LRBA: variants seen among roughly 807,000 people sequenced by gnomAD.
LRBA encodes the protein LPS responsive beige-like anchor protein.
LRBA carries 176 observed loss-of-function variants against 330.0 expected under a neutral mutation model. That is an observed-to-expected ratio of 0.53 (90% CI 0.47 to 0.60). LRBA has a LOEUF of 0.60. Ranked by LOEUF, LRBA falls within the 20% of genes least tolerant of loss-of-function variation. LRBA has a pLI of 0.00. For missense variants in LRBA, 3,259 were observed against 3,444.8 expected, an observed-to-expected ratio of 0.95 and a Z score of 1.35; for synonymous variants, 1,230 against 1,193.0, an observed-to-expected ratio of 1.03 and a Z score of -0.64.
chr4:150,284,942 AG>A (rs1747963842), intron 54 of LRBA, among the ~76,000 whole-genome samples: 1 of 152,194 alleles, frequency 6.6e-6, no homozygotes, highest in Non-Finnish European at 1.5e-5. Flanking sequence ...TACTGTGCAA[AG>A]AAAAGATGAC....
intron 51 of LRBA, among the ~76,000 whole-genome samples, chr4:150,312,947 T>G (rs1249586981): frequency 6.6e-6 from 1 of 151,894 alleles, no homozygotes; most frequent in Non-Finnish European, 1.5e-5. Context: ...GTTCATTTTA[T>G]GTAAATAAAC....
chr4:150,965,969 C>T (rs1367226465), intron 2 of LRBA, among the ~76,000 whole-genome samples: 1 of 152,050 alleles, frequency 6.6e-6, no homozygotes, highest in Non-Finnish European at 1.5e-5. Context: ...CTATTTTTGA[C>T]CTGTGTTAAA....
chr4:150,348,420 G>C (rs1475812112), intron 48 of LRBA, among the ~76,000 whole-genome samples: 1 of 152,148 alleles, frequency 6.6e-6, no homozygotes, highest in Non-Finnish European at 1.5e-5. Flanking sequence ...GAGAAACAGT[G>C]TTAAGCATAT....
chr4:150,812,394 T>C (rs1201637159), intron 31 of LRBA, among the ~76,000 whole-genome samples: 1 of 152,172 alleles, frequency 6.6e-6, no homozygotes, highest in East Asian at 1.9e-4. Flanking sequence ...AGCATCTATC[T>C]GGGGAGTAGG....
chr4:150,320,198 C>G (rs1271990813), intron 50 of LRBA, among the ~76,000 whole-genome samples: 1 of 152,118 alleles, frequency 6.6e-6, no homozygotes, highest in Non-Finnish European at 1.5e-5. Flanking sequence ...AACTCCGCCA[C>G]TGACTGGGCA....
chr4:150,733,721 C>A (rs1239837145), intron 36 of LRBA, among the ~76,000 whole-genome samples: 1 of 151,942 alleles, frequency 6.6e-6, no homozygotes, highest in Non-Finnish European at 1.5e-5. Context: ...GAATTTGGCC[C>A]AAAACATTGT....
chr4:150,858,030 C>A (rs913365336), intron 22 of LRBA, among the ~76,000 whole-genome samples: 1 of 151,838 alleles, frequency 6.6e-6, no homozygotes, highest in African/African-American at 2.4e-5. Context: ...TAAAAGGTCT[C>A]GCACTAAAAT....
intron 44 of LRBA, among the ~76,000 whole-genome samples, chr4:150,453,122 A>C (rs1336670927): frequency 6.6e-6 from 1 of 152,198 alleles, no homozygotes; most frequent in Non-Finnish European, 1.5e-5. Context: ...ATTTTTACCC[A>C]AAATGATCTA....
chr4:150,757,839 G>A (rs72959891), intron 35 of LRBA, among the ~76,000 whole-genome samples: 4,925 of 152,084 alleles, frequency 0.032, 219 homozygotes, highest in African/African-American at 0.11. Flanking sequence ...TTCCACCACT[G>A]TTTATTTCAA....
At chr4:150,552,492 AAAC>A (rs1223907662) in intron 40 of LRBA, among the ~76,000 whole-genome samples, 7 of 152,200 alleles carry the variant, frequency 4.6e-5, no homozygotes, top group African/African-American at 7.2e-5. Flanking sequence ...AAAAGTCAGG[AAAC>A]AACAGGTGTT....
chr4:150,490,830 T>C (rs1581472731), intron 41 of LRBA, 88 bp downstream of exon 41: 1 of 653,988 alleles, frequency 1.5e-6, no homozygotes, highest in South Asian at 3.6e-5. Context: ...AATAACTATC[T>C]AAATTGAAGC....
chr4:150,336,148 T>C (rs1407747268), intron 48 of LRBA, among the ~76,000 whole-genome samples: 1 of 152,228 alleles, frequency 6.6e-6, no homozygotes, highest in Non-Finnish European at 1.5e-5. Flanking sequence ...GTGGTATAGA[T>C]TATTTCACCA....
At chr4:150,922,087 C>G (rs1267182838) in intron 4 of LRBA, among the ~76,000 whole-genome samples, 1 of 152,010 alleles carries the variant, frequency 6.6e-6, no homozygotes, top group East Asian at 1.9e-4. Flanking sequence ...TCTCAAACTC[C>G]TGACTTCAAG....
chr4:150,998,002 C>G (rs80043678), intron 2 of LRBA, among the ~76,000 whole-genome samples: 15,051 of 152,014 alleles, frequency 0.099, 1,002 homozygotes, highest in South Asian at 0.29. Flanking sequence ...CTGCACCTGG[C>G]CAAACAGTCT....
At chr4:150,427,201 A>C (rs1749755696) in intron 46 of LRBA, among the ~76,000 whole-genome samples, 1 of 151,952 alleles carries the variant, frequency 6.6e-6, no homozygotes, top group South Asian at 2.1e-4. Flanking sequence ...CCAGTCAAAA[A>C]ACAAATCACA....
intron 34 of LRBA, among the ~76,000 whole-genome samples, chr4:150,794,698 A>G (rs1740489125): frequency 6.6e-6 from 1 of 152,172 alleles, no homozygotes; most frequent in Non-Finnish European, 1.5e-5. Context: ...AAAATTTTTT[A>G]AAGAATAATC....
intron 28 of LRBA, among the ~76,000 whole-genome samples, chr4:150,835,386 T>G (rs1747874030): frequency 1.3e-5 from 2 of 152,172 alleles, no homozygotes; most frequent in Non-Finnish European, 2.9e-5. Flanking sequence ...ATCTATAAAT[T>G]ACCTTGGGCA....
At chr4:150,838,187 T>G (rs1748459100) in intron 28 of LRBA, among the ~76,000 whole-genome samples, 1 of 152,246 alleles carries the variant, frequency 6.6e-6, no homozygotes, top group Admixed American at 6.5e-5. Context: ...CTTCCCTTTG[T>G]GGGTAACCCG....
At chr4:150,623,470 A>T (rs1404593382) in intron 37 of LRBA, among the ~76,000 whole-genome samples, 1 of 152,188 alleles carries the variant, frequency 6.6e-6, no homozygotes, top group Non-Finnish European at 1.5e-5. Flanking sequence ...ATAATGAGGT[A>T]GATATACATA....
Sources: gnomAD v4.1 joint callset for allele counts (sites outside exome capture counted in the v4.1 genomes callset) on GRCh38, gnomAD v4.1.1 for gene constraint, MANE v1.5 for transcripts, NCBI Gene and HGNC (gene_info 2026-07-23, HGNC 2026-07-21) for gene names.